DCHS1: variants seen among roughly 807,000 people sequenced by gnomAD.
The protein encoded by DCHS1 is dachsous cadherin-related 1.
DCHS1 carries 78 observed loss-of-function variants against 213.9 expected under a neutral mutation model. The observed-to-expected ratio is 0.36, with a 90% CI of 0.30 to 0.44. The LOEUF (loss-of-function observed/expected upper bound fraction) is 0.44. Among genes scored for constraint, DCHS1 ranks in the 20% least tolerant of loss-of-function variants. The pLI, the probability that DCHS1 is intolerant of heterozygous loss-of-function variation, is 1.00. For synonymous variants in DCHS1, 1,828 were observed against 1,873.7 expected, an observed-to-expected ratio of 0.98 and a Z score of 0.63; for missense variants, 3,946 against 4,395.9, an observed-to-expected ratio of 0.90 and a Z score of 2.89.
chr11:6,633,276 G>A (rs1855941033), intron 5 of DCHS1, 136 bp downstream of exon 5: 1 of 1,055,760 alleles, frequency 9.5e-7, no homozygotes, highest in South Asian at 1.6e-5. Context: ...CTAAGGAGGT[G>A]TTGGGCATTG....
At chr11:6,649,573 C>G (rs917283531) in intron 1 of DCHS1, among the ~76,000 whole-genome samples, 1 of 152,072 alleles carries the variant, frequency 6.6e-6, no homozygotes, top group African/African-American at 2.4e-5. Context: ...ATCTGTTATT[C>G]AACAAATACT....
intron 2 of DCHS1, among the ~76,000 whole-genome samples, chr11:6,637,893 T>G (rs560092144): frequency 2.0e-5 from 3 of 152,196 alleles, no homozygotes; most frequent in Non-Finnish European, 2.9e-5. Flanking sequence ...TCAATACATG[T>G]ATATTGAATA....
At position 6,624,236 on chromosome 11, in the gene DCHS1, C is replaced by T. The variant is rs767286923; in HGVS notation, c.7440G>A (p.Pro2480=). Residue 2480 remains proline (P), a synonymous_variant, in exon 21 of 21, where the codon CCG becomes CCA. Coordinates refer to ENST00000299441, the MANE Select transcript of DCHS1 (RefSeq NM_003737.4). ...VQLQDQNDHA[P]SFTLSHYRVA... is the part of the protein sequence containing the mutation. ...CACGGTAGTGTGACAATGTGAAGCT[C>T]GGGGCGTGGTCGTTCTGGTCCTGCA... is the stretch of plus-strand genomic sequence containing the variant. 18 of 1,612,892 alleles carry T rather than the reference C, an allele frequency of 1.1e-5. No homozygotes were observed. Among genetic ancestry groups the T allele is most frequent in the East Asian group, 2.2e-5 (1 of 44,844 alleles).
In DCHS1 at chr11:6,627,092, G is replaced by C. The variant is rs1239166348; in HGVS notation, c.5947C>G (p.Leu1983Val). 3 of 1,613,290 alleles carry C rather than the reference G, an allele frequency of 1.9e-6. No homozygotes were observed. The Admixed American group carries it at 5.0e-5, about 27-fold the overall frequency. The change falls in exon 14 of 21, where the codon CTG becomes GTG. Residue 1983 changes from leucine to valine, a missense_variant. Leu to Val is a conservative substitution (Grantham distance 32). Coordinates refer to ENST00000299441, the MANE Select transcript of DCHS1 (RefSeq NM_003737.4). The surrounding 1 kb of genome is among the most constrained non-coding windows in gnomAD (Gnocchi z 5.4). ...GPSFSTPTLA[L>V]ATLRAEDRDA... ...CGATCTTCAGCTCTCAGTGTGGCCAGAGCCAGGGTTGGGGTACTGAAGCTG... is the reference window on the plus strand; with the variant it reads ...CGATCTTCAGCTCTCAGTGTGGCCACAGCCAGGGTTGGGGTACTGAAGCTG...
chr11:6,628,479 G>C lies in DCHS1; in HGVS notation c.5371+142C>G, dbSNP rs1589954983. 1 of 807,242 alleles carries C rather than the reference G, an allele frequency of 1.2e-6. No individual in the cohort carries two copies. The highest frequency in any genetic ancestry group is 2.2e-5 in the Admixed American group (1 of 44,732). The allele number at this position is 807,242 out of a possible 1,614,324, so 50.0% of individuals were successfully genotyped here. On this transcript the variant is annotated intron_variant, in intron 13 of 20. Coordinates refer to ENST00000299441, the MANE Select transcript of DCHS1 (RefSeq NM_003737.4). The surrounding 1 kb of genome is among the most constrained non-coding windows in gnomAD (Gnocchi z 4.3). ...TGGAATGAGATACCTAGCTACACTGGGTATAAGCATGAAAGAAAAGGTGGA... is the reference window on the plus strand; with the variant it reads ...TGGAATGAGATACCTAGCTACACTGCGTATAAGCATGAAAGAAAAGGTGGA...
Position 6,655,678 on chromosome 11 carries a change from G to A in DCHS1, c.-236C>T. On this transcript the variant is annotated 5_prime_UTR_variant, in exon 1 of 21. Transcript: ENST00000299441. ...AGGCCGCGCATCGTCCGCAGTCGCT[G>A]TCTCCGAGGCCCGCGATCCCCTCCG... 1 of 979,322 alleles carries A rather than the reference G, an allele frequency of 1.0e-6. No individual in the cohort carries two copies. The highest frequency in any genetic ancestry group is 1.2e-6 in the Non-Finnish European group (1 of 827,122). The allele number at this position is 979,322 out of a possible 1,614,324, so 60.7% of individuals were successfully genotyped here.
intron 1 of DCHS1, among the ~76,000 whole-genome samples, chr11:6,651,002 A>G (rs1402419671): frequency 2.0e-5 from 3 of 152,184 alleles, no homozygotes; most frequent in Non-Finnish European, 4.4e-5. Flanking sequence ...CAGTCTTCTG[A>G]AGAGTGAACG....
Position 6,632,138 on chromosome 11 carries a change from C to T in DCHS1, c.3374G>A (p.Gly1125Asp), listed in dbSNP as rs921933332. The T allele has an allele frequency of 2.5e-6, 4 of 1,583,172 alleles. No homozygotes were observed. Among genetic ancestry groups the T allele is most frequent in the Non-Finnish European group, 3.4e-6 (4 of 1,161,014 alleles). The stretch of plus-strand genomic sequence containing the variant: ...GTCTCGGTCAGTGGCAAAGACTCGG[C>T]CCACGCTGGTCCCTGGGGGCTGGTT... Reference protein sequence around the residue: ...AENQPPGTSVGRVFATDRDSG... With the variant: ...AENQPPGTSVDRVFATDRDSG... The change falls in exon 6 of 21, where the codon GGC becomes GAC. Residue 1125 changes from glycine to aspartate, a missense_variant. Gly to Asp is a moderately conservative substitution (Grantham distance 94). Transcript: ENST00000299441. The surrounding 1 kb of genome is among the most constrained non-coding windows in gnomAD (Gnocchi z 5.9).
In DCHS1 at chr11:6,622,535, G is replaced by A; in HGVS notation, c.9141C>T (p.Ile3047=). The A allele has an allele frequency of 6.3e-7, 1 of 1,579,964 alleles. No individual in the cohort carries two copies. Among genetic ancestry groups the A allele is most frequent in the Non-Finnish European group, 8.6e-7 (1 of 1,163,602 alleles). Residue 3047 remains isoleucine (I), a synonymous_variant, in exon 21 of 21, where the codon ATC becomes ATT. Transcript: ENST00000299441. The surrounding 1 kb of genome is among the most constrained non-coding windows in gnomAD (Gnocchi z 5.4). ...EAAEDDEIRM[I]NEFPRVASVA... is the part of the protein sequence containing the mutation. The stretch of plus-strand genomic sequence containing the variant: ...CACTGGCCACACGGGGGAACTCATT[G>A]ATCATGCGGATCTCATCATCCTCTG...
Position 6,655,666 on chromosome 11 carries a change from T to C in DCHS1, c.-224A>G, listed in dbSNP as rs544472399. ...GCGCGGGGCCTGAGGCCGCGCATCG[T>C]CCGCAGTCGCTGTCTCCGAGGCCCG... On this transcript the variant is annotated 5_prime_UTR_variant, in exon 1 of 21. Coordinates refer to ENST00000299441, the MANE Select transcript of DCHS1 (RefSeq NM_003737.4). The C allele has an allele frequency of 0.082, 79,925 of 977,752 alleles. 3,466 individuals are homozygous for C. The highest frequency in any genetic ancestry group is 0.13 in the South Asian group (2,716 of 21,184). 60.6% of individuals were successfully genotyped at this position (977,752 alleles called of 1,614,324 possible). A position where few individuals can be genotyped will look rare whatever the true frequency, so the allele number is the denominator to read the frequency against.
At chr11:6,650,515 T>G (rs1232241241) in intron 1 of DCHS1, among the ~76,000 whole-genome samples, 1 of 151,224 alleles carries the variant, frequency 6.6e-6, no homozygotes, top group Non-Finnish European at 1.5e-5. Context: ...GAAGAGAGAG[T>G]CCAGTCTTGC....
chr11:6,632,544 C>G lies in DCHS1; in HGVS notation c.2968G>C (p.Asp990His). 6.5e-7 allele frequency: 1 copy of G among 1,528,906 alleles called. No individual in the cohort carries two copies. Among genetic ancestry groups the G allele is most frequent in the South Asian group, 1.3e-5 (1 of 78,076 alleles). The allele number at this position is 1,528,906 out of a possible 1,614,324, so 94.7% of individuals were successfully genotyped here. A position where few individuals can be genotyped will look rare whatever the true frequency, so the allele number is the denominator to read the frequency against. Residue 990 changes from aspartate to histidine, a missense_variant, in exon 6 of 21, where the codon GAT becomes CAT. Asp to His is a moderately conservative substitution (Grantham distance 81). Coordinates refer to ENST00000299441, the MANE Select transcript of DCHS1 (RefSeq NM_003737.4). This position sits in a 1 kb window ranked among gnomAD's most constrained non-coding sequence, Gnocchi z 5.9. The part of the protein sequence containing the change: ...SHFRLRVVVQ[D>H]VGTRGLAPRF... ...GGAGCCAGCCCACGGGTTCCCACAT[C>G]CTGTACCACCACCCGTAGTCGAAAG...
rs1589955923 is a variant in DCHS1, at chr11:6,630,378, C to T, written c.4416G>A (p.Val1472=). ...GCTCCTGGCGCAGCAGGCGGTAGCGCACGTCGCTATTGGGGCCGGGGCCGT... is the reference window on the plus strand; with the variant it reads ...GCTCCTGGCGCAGCAGGCGGTAGCGTACGTCGCTATTGGGGCCGGGGCCGT... ...DADGPGPNSD[V]RYRLLRQEPP... is the part of the protein sequence containing the mutation. The change falls in exon 10 of 21, where the codon GTG becomes GTA. Residue 1472 remains valine, a synonymous_variant. Transcript: ENST00000299441. 4 of 1,376,242 alleles carry T rather than the reference C, an allele frequency of 2.9e-6. No individual in the cohort carries two copies. The highest frequency in any genetic ancestry group is 3.4e-5 in the East Asian group (1 of 29,446). The allele number at this position is 1,376,242 out of a possible 1,614,324, so 85.3% of individuals were successfully genotyped here.
Position 6,622,486 on chromosome 11 carries a change from C to T in DCHS1, c.9190G>A (p.Gly3064Ser), listed in dbSNP as rs865877408. The change falls in exon 21 of 21, where the codon GGC becomes AGC. Residue 3064 changes from glycine to serine, a missense_variant. Gly to Ser is a moderately conservative substitution (Grantham distance 56, BLOSUM62 0). Around this residue, in one of 3 missense-constraint regions of DCHS1, gnomAD observed 554 missense variants for 590.2 expected, o/e 0.94. Coordinates refer to ENST00000299441, the MANE Select transcript of DCHS1 (RefSeq NM_003737.4). The surrounding 1 kb of genome is among the most constrained non-coding windows in gnomAD (Gnocchi z 5.4). Reference sequence around the variant, plus strand: ...TCCTGCTGGATGCCTGAGTCAGGGCCACGGGCAGCCAGAGAGGAGGCCACA... The same window carrying T: ...TCCTGCTGGATGCCTGAGTCAGGGCTACGGGCAGCCAGAGAGGAGGCCACA... ...ASVASSLAAR[G>S]PDSGIQQDAD... 1 of 1,571,076 alleles carries T rather than the reference C, an allele frequency of 6.4e-7. No homozygotes were observed.
At position 6,633,049 on chromosome 11, in the gene DCHS1, C is replaced by T. The variant is rs1422349083; in HGVS notation, c.2463G>A (p.Leu821=). Residue 821 remains leucine, a synonymous_variant, in exon 6 of 21, where the codon TTG becomes TTA. Coordinates refer to ENST00000299441, the MANE Select transcript of DCHS1 (RefSeq NM_003737.4). ...IVQAHNPPGR[L]APVTLSLSGG... is the part of the protein sequence containing the mutation. ...CTGATAGGGAAAGGGTCACAGGTGC[C>T]AAGCGACCTAGGGAGGATGAAAAAG... 2 of 1,603,414 alleles carry T rather than the reference C, an allele frequency of 1.2e-6. No homozygotes were observed.
intron 1 of DCHS1, 46 bp downstream of exon 1, chr11:6,655,517 G>A: frequency 1.0e-6 from 1 of 971,574 alleles, no homozygotes; most frequent in Non-Finnish European, 1.2e-6. Flanking sequence ...AGGCCGGCGG[G>A]CAGGGCGGGC....
Position 6,624,235 on chromosome 11 carries a change from T to C in DCHS1, c.7441A>G (p.Ser2481Gly). 6.2e-7 allele frequency: 1 copy of C among 1,613,042 alleles called. No homozygotes were observed. Among genetic ancestry groups the C allele is most frequent in the East Asian group, 2.2e-5 (1 of 44,876 alleles). ...ACACGGTAGTGTGACAATGTGAAGCTCGGGGCGTGGTCGTTCTGGTCCTGC... is the reference window on the plus strand; with the variant it reads ...ACACGGTAGTGTGACAATGTGAAGCCCGGGGCGTGGTCGTTCTGGTCCTGC... ...QLQDQNDHAPSFTLSHYRVAV... is the reference protein window; with the variant it reads ...QLQDQNDHAPGFTLSHYRVAV... Residue 2481 changes from serine (S) to glycine (G), a missense_variant, in exon 21 of 21, where the codon AGC (serine) becomes GGC (glycine). Ser to Gly is a moderately conservative substitution (Grantham distance 56). This residue lies in a region of DCHS1 where 3,384 missense variants were observed against 3,780.1 expected (regional missense o/e 0.90). Transcript: ENST00000299441.
intron 1 of DCHS1, among the ~76,000 whole-genome samples, chr11:6,646,018 C>A (rs1856148935): frequency 6.6e-6 from 1 of 152,054 alleles, no homozygotes; most frequent in South Asian, 2.1e-4. Context: ...ATGGAACCCA[C>A]CCCCACACGT....
rs1332143389 is a variant in DCHS1, at chr11:6,631,780, G to A, written c.3511C>T (p.Arg1171Cys). 1 of 1,560,828 alleles carries A rather than the reference G, an allele frequency of 6.4e-7. No individual in the cohort carries two copies. The highest frequency in any genetic ancestry group is 8.7e-7 in the Non-Finnish European group (1 of 1,155,054). The change falls in exon 7 of 21, where the codon CGT becomes TGT. Residue 1171 changes from arginine to cysteine, a missense_variant. Physicochemically the swap from Arg to Cys is radical, Grantham distance 180. Coordinates refer to ENST00000299441, the MANE Select transcript of DCHS1 (RefSeq NM_003737.4). ...AGCTGATAGCTGCTCTGCTGCTCAC[G>A]GTCCAGGGTTTGGAGTGTGGTCACT... ...GEVTTLQTLD[R>C]EQQSSYQLLV...
Sources: gnomAD v4.1 joint callset for allele counts (sites outside exome capture counted in the v4.1 genomes callset) on GRCh38, gnomAD v4.1.1 for gene constraint, gnomAD v4.1.1 regional missense constraint, Gnocchi (gnomAD v3.1) non-coding constraint, MANE v1.5 for transcripts, NCBI Gene and HGNC (gene_info 2026-07-23, HGNC 2026-07-21) for gene names.